Variants in KDM3A observed in about 807,000 individuals in gnomAD.
KDM3A encodes lysine-specific demethylase 3A.
Under a neutral mutation model 158.0 loss-of-function variants are expected in KDM3A, and 60 were observed. That is an observed-to-expected ratio of 0.38 (90% CI 0.31 to 0.47). KDM3A has a LOEUF of 0.47. Ranked by LOEUF, KDM3A falls within the 20% of genes least tolerant of loss-of-function variation. The pLI is 0.99. For missense variants in KDM3A, 1,319 were observed against 1,574.3 expected, an observed-to-expected ratio of 0.84 and a Z score of 2.74; for synonymous variants, 608 against 549.3, an observed-to-expected ratio of 1.11 and a Z score of -1.49.
intron 9 of KDM3A, 42 bp downstream of exon 9, chr2:86,464,258 A>T (rs966521974): frequency 2.2e-6 from 3 of 1,355,426 alleles, no homozygotes; most frequent in Non-Finnish European, 2.0e-6. Context: ...ATAATAATAA[A>T]AAATTATTTT....
chr2:86,489,116 G>A, intron 21 of KDM3A: 2 of 538,798 alleles, frequency 3.7e-6, no homozygotes, highest in Non-Finnish European at 6.4e-6. Flanking sequence ...TCCATTTCCT[G>A]CTGTTTTTGG....
At chr2:86,465,443 G>C (rs1015467356) in intron 9 of KDM3A, among the ~76,000 whole-genome samples, 4 of 152,002 alleles carry the variant, frequency 2.6e-5, no homozygotes, top group African/African-American at 4.8e-5. Context: ...TTGCCCAGGA[G>C]GGAGTGCAGT....
chr2:86,453,800 A>G (rs988719057), intron 4 of KDM3A, among the ~76,000 whole-genome samples: 4 of 152,166 alleles, frequency 2.6e-5, no homozygotes, highest in African/African-American at 9.7e-5. Context: ...CAGCTTCTCT[A>G]ACAGACTAGT....
rs761484586 is a variant in KDM3A, at chr2:86,480,315, A to T, written c.2465A>T (p.Asn822Ile). ...TGTCCAGCCAGCACATCTCCTCTAA[A>T]CTGGCTGGCCGACCTAACCAGCGGG... ...PACPASTSPL[N>I]WLADLTSGNV... The change falls in exon 16 of 26, where the codon AAC becomes ATC. Residue 822 changes from asparagine to isoleucine, a missense_variant. Transcript: ENST00000312912. 1 of 1,613,974 alleles carries T rather than the reference A, an allele frequency of 6.2e-7. No homozygotes were observed. Among genetic ancestry groups the T allele is most frequent in the South Asian group, 1.1e-5 (1 of 91,074 alleles).
chr2:86,458,729 G>A (rs1046956203), intron 8 of KDM3A, among the ~76,000 whole-genome samples: 1 of 152,190 alleles, frequency 6.6e-6, no homozygotes, highest in Non-Finnish European at 1.5e-5. Context: ...GTTTCATTGT[G>A]GCAGGGGCAC....
intron 5 of KDM3A, among the ~76,000 whole-genome samples, chr2:86,455,417 T>A (rs1367230428): frequency 6.6e-5 from 10 of 151,954 alleles, no homozygotes; most frequent in Admixed American, 5.9e-4. Flanking sequence ...CACACCCGGC[T>A]AGTTTTTGTA....
At chr2:86,480,000 T>C (rs545279765) in intron 15 of KDM3A, 167 bp from the exon 16 acceptor site, 22 of 613,250 alleles carry the variant, frequency 3.6e-5, no homozygotes, top group African/African-American at 2.0e-4. Flanking sequence ...AGTTATTCTC[T>C]ACTAGTGCGG....
At position 86,482,472 on chromosome 2, in the gene KDM3A, C is replaced by T. The variant is rs372748418; in HGVS notation, c.2700C>T (p.Leu900=). The T allele has an allele frequency of 6.2e-6, 10 of 1,613,680 alleles. No homozygotes were observed. In the African/African-American group the frequency reaches 1.3e-4, roughly 22 times the overall value. ...NSSTGKTENG[L]KNTPKILDDI... ...CTCCAATTCAGACAGAAAATGGACT[C>T]AAGAATACACCAAAAATCCTTGATG... The change falls in exon 18 of 26, where the codon CTC becomes CTT. Residue 900 remains leucine (L), a synonymous_variant. Transcript: ENST00000312912.
intron 16 of KDM3A, 146 bp from the exon 17 acceptor site, chr2:86,481,784 C>G (rs944552022): frequency 2.7e-5 from 17 of 622,776 alleles, no homozygotes; most frequent in Non-Finnish European, 4.8e-5. Flanking sequence ...CTAAGTAAAT[C>G]ATATCATTCA....
In KDM3A at chr2:86,490,862, T is replaced by C. The variant is rs1165788117; in HGVS notation, c.3574-19T>C. The C allele has an allele frequency of 6.3e-7, 1 of 1,597,170 alleles. No individual in the cohort carries two copies. The highest frequency in any genetic ancestry group is 1.7e-5 in the Admixed American group (1 of 57,754). ...CTTAGCATGTTACTGAGTTGCATAA[T>C]ATTTTGAATGTATTCTAGGTATCAG... is the stretch of plus-strand genomic sequence containing the variant. On this transcript the variant is annotated intron_variant, in intron 23 of 25. Coordinates refer to ENST00000312912, the MANE Select transcript of KDM3A (RefSeq NM_018433.6).
rs370225146 is a variant in KDM3A, at chr2:86,480,278, A to G, written c.2428A>G (p.Met810Val). Residue 810 changes from methionine to valine, a missense_variant, in exon 16 of 26, where the codon ATG becomes GTG. Physicochemically the swap from Met to Val is conservative, Grantham distance 21. Around this residue, in one of 4 missense-constraint regions of KDM3A, gnomAD observed 368 missense variants for 415.8 expected, o/e 0.89. Transcript: ENST00000312912. The stretch of plus-strand genomic sequence containing the variant: ...AGCAGCCTCCAAGCCAGCCGGCAGC[A>G]TGAAGCCTGCCTGTCCAGCCAGCAC... Reference protein sequence around the residue: ...GEAASKPAGSMKPACPASTSP... With the variant: ...GEAASKPAGSVKPACPASTSP... The G allele has an allele frequency of 6.8e-6, 11 of 1,614,090 alleles. No individual in the cohort carries two copies. The highest frequency in any genetic ancestry group is 6.7e-5 in the African/African-American group (5 of 75,070).
chr2:86,473,792 A>G (rs1277164648), intron 11 of KDM3A, among the ~76,000 whole-genome samples: 1 of 152,182 alleles, frequency 6.6e-6, no homozygotes, highest in Non-Finnish European at 1.5e-5. Context: ...TTTAAAACTA[A>G]TACATAGCTT....
At chr2:86,466,941 C>A (rs1309278150) in intron 10 of KDM3A, 58 bp downstream of exon 10, 6 of 1,316,376 alleles carry the variant, frequency 4.6e-6, no homozygotes, top group Middle Eastern at 1.9e-4. Context: ...ATATATATAT[C>A]TCTTTCTTGT....
chr2:86,442,323 C>G lies in KDM3A; in HGVS notation c.186+90C>G. On this transcript the variant is annotated intron_variant, in intron 2 of 25. Transcript: ENST00000312912. ...GTTCCCTCCTTCCGTTTTCTGAAAACGGAGACCAGAAAGTTGGCATATGAT... is the reference window on the plus strand; with the variant it reads ...GTTCCCTCCTTCCGTTTTCTGAAAAGGGAGACCAGAAAGTTGGCATATGAT... 1.1e-5 allele frequency: 14 copies of G among 1,252,298 alleles called. No homozygotes were observed. The South Asian group carries it at 1.9e-4, about 17-fold the overall frequency. The allele number at this position is 1,252,298 out of a possible 1,614,324, so 77.6% of individuals were successfully genotyped here. A position where few individuals can be genotyped will look rare whatever the true frequency, so the allele number is the denominator to read the frequency against.
Position 86,456,855 on chromosome 2 carries a change from A to G in KDM3A, c.732A>G (p.Val244=). 6.2e-7 allele frequency: 1 copy of G among 1,612,056 alleles called. No individual in the cohort carries two copies. The highest frequency in any genetic ancestry group is 8.5e-7 in the Non-Finnish European group (1 of 1,178,338). ...CGTCACTGATTCATGTTGAAGTTGT[A>G]CACGATAACCTTGTGACATGTGGTA... is the stretch of plus-strand genomic sequence containing the variant. ...VDPSLIHVEV[V]HDNLVTCGNS... is the part of the protein sequence containing the mutation. Residue 244 remains valine (V), a synonymous_variant, in exon 7 of 26, where the codon GTA becomes GTG. Coordinates refer to ENST00000312912, the MANE Select transcript of KDM3A (RefSeq NM_018433.6).
At chr2:86,463,902 T>G (rs957675475) in intron 8 of KDM3A, 151 bp from the exon 9 acceptor site, 47 of 498,734 alleles carry the variant, frequency 9.4e-5, no homozygotes, top group Non-Finnish European at 1.6e-4. Context: ...AATTGTATAG[T>G]TTATCACTTG....
chr2:86,484,828 T>C (rs1412129391), intron 19 of KDM3A, 114 bp from the exon 20 acceptor site: 1 of 578,924 alleles, frequency 1.7e-6, no homozygotes, highest in African/African-American at 1.9e-5. Flanking sequence ...GTTATGAAAA[T>C]TTTGCAGAGA....
rs1416426867 is a variant in KDM3A, at chr2:86,474,702, TGTG to T, written c.1725-73_1725-71del. 8.3e-3 allele frequency: 3,303 copies of T among 398,316 alleles called. 50 individuals carry two copies. Among genetic ancestry groups the T allele is most frequent in the African/African-American group, 0.033 (294 of 8,786 alleles). The allele number at this position is 398,316 out of a possible 1,614,324, so 24.7% of individuals were successfully genotyped here. A position where few individuals can be genotyped will look rare whatever the true frequency, so the allele number is the denominator to read the frequency against. Reference sequence around the variant, plus strand: ...AAGTAATTACAAGTTGTAAATAAGTTGTGTGTGTGTGTGTGTGTGTGTGTGTGT... The same window carrying T: ...AAGTAATTACAAGTTGTAAATAAGTTTGTGTGTGTGTGTGTGTGTGTGTGT... On this transcript the variant is annotated intron_variant, in intron 11 of 25. Coordinates refer to ENST00000312912, the MANE Select transcript of KDM3A (RefSeq NM_018433.6).
chr2:86,458,801 T>G (rs1262295688), intron 8 of KDM3A, among the ~76,000 whole-genome samples: 1 of 151,994 alleles, frequency 6.6e-6, no homozygotes, highest in Non-Finnish European at 1.5e-5. Context: ...ATGCTGCAGA[T>G]GAAGAGGGGG....
Sources: allele counts gnomAD v4.1 joint callset (sites outside exome capture counted in the v4.1 genomes callset), GRCh38; gene constraint gnomAD v4.1.1; regional missense constraint gnomAD v4.1.1; transcripts MANE v1.5; gene names NCBI Gene and HGNC (gene_info 2026-07-23, HGNC 2026-07-21).